The following LRP1B variants were observed in gnomAD, a reference collection of about 807,000 sequenced individuals.
LRP1B encodes the protein LDL receptor related protein 1B.
Under a neutral mutation model 556.6 loss-of-function variants are expected in LRP1B, and 217 were observed. That is an observed-to-expected ratio of 0.39 (90% CI 0.35 to 0.44). The LOEUF (loss-of-function observed/expected upper bound fraction) is 0.44. Among genes scored for constraint, LRP1B ranks in the 20% least tolerant of loss-of-function variants. The pLI is 1.00. For synonymous variants in LRP1B, 2,047 were observed against 1,865.8 expected (o/e 1.10, Z -2.50); for missense variants, 5,053 against 5,620.8 (o/e 0.90, Z 3.23).
At chr2:140,422,174 C>T (rs1199773383) in intron 66 of LRP1B, among the ~76,000 whole-genome samples, 1 of 152,060 alleles carries the variant, frequency 6.6e-6, no homozygotes, top group Non-Finnish European at 1.5e-5. Flanking sequence ...TACATAGAAC[C>T]AGTTTTCTGG....
chr2:141,620,192 A>G (rs1428128963), intron 2 of LRP1B, among the ~76,000 whole-genome samples: 4 of 152,196 alleles, frequency 2.6e-5, no homozygotes, highest in African/African-American at 2.4e-5. Context: ...GCCTCAAGCA[A>G]TCTTCTCACT....
intron 3 of LRP1B, among the ~76,000 whole-genome samples, chr2:141,453,944 T>G (rs936082804): frequency 2.0e-5 from 3 of 151,504 alleles, no homozygotes; most frequent in African/African-American, 7.3e-5. Context: ...AAAGTTCTAG[T>G]GTTTATTTAT....
At chr2:140,398,840 A>G (rs1169919805) in intron 66 of LRP1B, among the ~76,000 whole-genome samples, 1 of 152,166 alleles carries the variant, frequency 6.6e-6, no homozygotes, top group Admixed American at 6.5e-5. Flanking sequence ...CCTTGGAACA[A>G]TGTGTCTAAA....
intron 14 of LRP1B, among the ~76,000 whole-genome samples, chr2:141,009,365 G>C (rs1697673536): frequency 6.6e-6 from 1 of 152,034 alleles, no homozygotes; most frequent in Non-Finnish European, 1.5e-5. Flanking sequence ...AACGATGTCA[G>C]TCAATCTGAA....
At chr2:141,329,577 G>A (rs1334528678) in intron 3 of LRP1B, among the ~76,000 whole-genome samples, 1 of 149,088 alleles carries the variant, frequency 6.7e-6, no homozygotes, top group Non-Finnish European at 1.5e-5. Context: ...CTGGGAGGCG[G>A]AGCTTGCAGT....
chr2:141,824,999 C>T (rs573612628), intron 1 of LRP1B, among the ~76,000 whole-genome samples: 88 of 152,292 alleles, frequency 5.8e-4, no homozygotes, highest in Admixed American at 4.8e-3. Context: ...TGCGGTCTCT[C>T]TCCTGCCACC....
intron 2 of LRP1B, among the ~76,000 whole-genome samples, chr2:141,561,459 A>G (rs958039386): frequency 7.2e-5 from 11 of 151,866 alleles, no homozygotes; most frequent in African/African-American, 2.2e-4. Flanking sequence ...CAGGGCTAGA[A>G]GACAGCAAAG....
intron 66 of LRP1B, among the ~76,000 whole-genome samples, chr2:140,430,689 C>CA (rs1685892483): frequency 6.6e-6 from 1 of 152,226 alleles, no homozygotes; most frequent in Non-Finnish European, 1.5e-5. Context: ...TTCAGCCTCA[C>CA]AGGCCCATTC....
At position 141,724,987 on chromosome 2, in the gene LRP1B, C is replaced by T. The variant is rs7577379; in HGVS notation, c.205+85292G>A. ...TCACAGGTATAGAAACTGCCCTTCC[C>T]AATCCCGCCTTTTATGTCTCCTGGT... On this transcript the variant is annotated intron_variant, in intron 2 of 90. Transcript: ENST00000389484. Among the ~76,000 whole-genome samples, 919 of 151,960 alleles carry T rather than the reference C, an allele frequency of 6.0e-3. 14 individuals carry two copies. Among genetic ancestry groups the T allele is most frequent in the African/African-American group, 0.021 (873 of 41,508 alleles).
chr2:141,347,542 A>G (rs1688298908), intron 3 of LRP1B, among the ~76,000 whole-genome samples: 1 of 152,002 alleles, frequency 6.6e-6, no homozygotes, highest in African/African-American at 2.4e-5. Context: ...GCTTTACAAC[A>G]AACTATTCCC....
chr2:140,555,575 C>A (rs2105062529), intron 43 of LRP1B, among the ~76,000 whole-genome samples: 1 of 152,136 alleles, frequency 6.6e-6, no homozygotes, highest in Admixed American at 6.6e-5. Flanking sequence ...TATTAATATT[C>A]TTGCCTGAAT....
intron 25 of LRP1B, among the ~76,000 whole-genome samples, chr2:140,877,200 T>A (rs1047527528): frequency 7.9e-5 from 12 of 152,158 alleles, no homozygotes; most frequent in African/African-American, 2.9e-4. Context: ...GCCACATATA[T>A]AAACGACTTT....
At chr2:140,347,933 CGTGTTTACATGGCACAA>C (rs1204995333) in intron 77 of LRP1B, among the ~76,000 whole-genome samples, 2 of 151,906 alleles carry the variant, frequency 1.3e-5, no homozygotes, top group Admixed American at 6.6e-5. Context: ...TAGAAGAACA[CGTGTTTACATGGCACAA>C]GTGTTTACAT....
intron 46 of LRP1B, among the ~76,000 whole-genome samples, chr2:140,535,752 AT>A (rs1558950722): frequency 6.6e-6 from 1 of 152,158 alleles, no homozygotes. Flanking sequence ...CCAGGAAAAA[AT>A]ATTGTTGCAA....
chr2:141,304,843 C>T (rs115632099), intron 3 of LRP1B, among the ~76,000 whole-genome samples: 337 of 152,116 alleles, frequency 2.2e-3, no homozygotes, highest in Non-Finnish European at 4.1e-3. Context: ...TTTCCCAGCA[C>T]TATTTATTCA....
intron 1 of LRP1B, among the ~76,000 whole-genome samples, chr2:141,959,549 C>A (rs1009592274): frequency 3.3e-5 from 5 of 151,842 alleles, no homozygotes; most frequent in Non-Finnish European, 7.4e-5. Flanking sequence ...AATCTCTAGA[C>A]CGGCACTCTC....
At chr2:141,457,546 C>T (rs1681680129) in intron 3 of LRP1B, among the ~76,000 whole-genome samples, 1 of 152,050 alleles carries the variant, frequency 6.6e-6, no homozygotes, top group Non-Finnish European at 1.5e-5. Flanking sequence ...CACATGTTTA[C>T]CTATGTAACA....
intron 84 of LRP1B, 46 bp from the exon 85 acceptor site, chr2:140,274,644 CA>C (rs757098870): frequency 2.0e-6 from 3 of 1,510,950 alleles, no homozygotes; most frequent in Non-Finnish European, 2.7e-6. Context: ...TATTACAGGA[CA>C]TTTTTCTTCA....
At chr2:140,842,178 T>C (rs2105100832) in intron 29 of LRP1B, among the ~76,000 whole-genome samples, 1 of 152,342 alleles carries the variant, frequency 6.6e-6, no homozygotes, top group African/African-American at 2.4e-5. Context: ...TTTTATTCTT[T>C]TCAAAAGAAG....
Sources: gnomAD v4.1 joint callset for allele counts (sites outside exome capture counted in the v4.1 genomes callset) on GRCh38, gnomAD v4.1.1 for gene constraint, MANE v1.5 for transcripts, NCBI Gene and HGNC (gene_info 2026-07-23, HGNC 2026-07-21) for gene names.